CYTH2: variants seen among roughly 807,000 people sequenced by gnomAD.
CYTH2 encodes cytohesin-2.
In CYTH2, 24 loss-of-function variants were observed where a neutral mutation model predicts 55.4. The ratio of observed to expected loss-of-function variants is 0.43; its 90% confidence interval spans 0.31 to 0.61. The LOEUF is 0.61. Among genes scored for constraint, CYTH2 ranks in the 20% least tolerant of loss-of-function variants. The pLI, the probability that CYTH2 is intolerant of heterozygous loss-of-function variation, is 0.08. For missense variants in CYTH2, 378 were observed against 533.5 expected (o/e 0.71, Z 2.87); for synonymous variants, 221 against 209.6 (o/e 1.05, Z -0.47).
intron 4 of CYTH2, 89 bp from the exon 5 acceptor site, chr19:48,473,209 A>C (rs1971839454): frequency 7.1e-7 from 1 of 1,408,662 alleles, no homozygotes; most frequent in Non-Finnish European, 1.0e-6. Context: ...GGTGCAGTAG[A>C]GGGGGCACGA....
rs368708515 is a variant in CYTH2, at chr19:48,478,524, A to G, written c.1044A>G (p.Gly348=). 1.6e-5 allele frequency: 26 copies of G among 1,613,920 alleles called. No homozygotes were observed. The highest frequency in any genetic ancestry group is 2.2e-5 in the Non-Finnish European group (26 of 1,180,010). ...KTEADGRVVE[G]NHMVYRISAP... is the part of the protein sequence containing the mutation. ...AGGCGGACGGCCGAGTGGTGGAGGGAAACCACATGGTGTACCGGATCTCGG... is the reference window on the plus strand; with the variant it reads ...AGGCGGACGGCCGAGTGGTGGAGGGGAACCACATGGTGTACCGGATCTCGG... The change falls in exon 11 of 12, where the codon GGA becomes GGG. Residue 348 remains glycine (G), a synonymous_variant. Coordinates refer to ENST00000452733, the MANE Select transcript of CYTH2 (RefSeq NM_004228.7).
chr19:48,470,671 T>C lies in CYTH2; in HGVS notation c.234+2T>C, dbSNP rs1164941106. ...AAGTTCAACATGGACCCCAAGAAGG[T>C]GCTTGGGGCCACAGGACTGGGATCA... On this transcript the variant is annotated splice_donor_variant, in intron 3 of 11. Transcript: ENST00000452733. LOFTEE classifies it high-confidence loss of function. 1 of 1,614,058 alleles carries C rather than the reference T, an allele frequency of 6.2e-7. No individual in the cohort carries two copies. The highest frequency in any genetic ancestry group is 8.5e-7 in the Non-Finnish European group (1 of 1,179,986).
chr19:48,473,214 G>T, intron 4 of CYTH2, 84 bp from the exon 5 acceptor site: 1 of 1,461,652 alleles, frequency 6.8e-7, no homozygotes. Context: ...AGTAGAGGGG[G>T]CACGACTTCC....
rs1416137455 is a variant in CYTH2, at chr19:48,470,342, C to G, written c.20-11C>G. ...TAGCACTGACTTTTAAACCTTGACC[C>G]CGATCCCTAGAACCCCCAGACCTGA... On this transcript the variant is annotated splice_polypyrimidine_tract_variant and intron_variant, in intron 1 of 11. Transcript: ENST00000452733. 1.2e-6 allele frequency: 2 copies of G among 1,601,488 alleles called. No individual in the cohort carries two copies. Among genetic ancestry groups the G allele is most frequent in the South Asian group, 2.2e-5 (2 of 89,934 alleles).
At position 48,479,447 on chromosome 19, in the gene CYTH2, C is replaced by T. The variant is rs1972009226; in HGVS notation, c.*237C>T. 6.2e-6 allele frequency: 3 copies of T among 483,888 alleles called. No individual in the cohort carries two copies. 30.0% of individuals were successfully genotyped at this position (483,888 alleles called of 1,614,324 possible). A position where few individuals can be genotyped will look rare whatever the true frequency, so the allele number is the denominator to read the frequency against. ...AGTCGAGGTGCTCCGTGGAGCCAGC[C>T]TGTTTCCCTGGACAGGGGCCTGGAC... On this transcript the variant is annotated 3_prime_UTR_variant, in exon 12 of 12. Coordinates refer to ENST00000452733, the MANE Select transcript of CYTH2 (RefSeq NM_004228.7).
chr19:48,472,290 G>A (rs199625990), intron 3 of CYTH2, 35 bp from the exon 4 acceptor site: 5 of 1,602,456 alleles, frequency 3.1e-6, no homozygotes, highest in Non-Finnish European at 3.4e-6. Context: ...TGGCTTTCTG[G>A]CCCTCAGCAC....
Position 48,474,306 on chromosome 19 carries a change from G to C in CYTH2, c.672G>C (p.Gly224=). The C allele has an allele frequency of 6.2e-7, 1 of 1,610,718 alleles. No homozygotes were observed. The highest frequency in any genetic ancestry group is 8.5e-7 in the Non-Finnish European group (1 of 1,178,212). The change falls in exon 7 of 12, where the codon GGG becomes GGC. Residue 224 remains glycine (G), a synonymous_variant. Coordinates refer to ENST00000452733, the MANE Select transcript of CYTH2 (RefSeq NM_004228.7). The surrounding 1 kb of genome is among the most constrained non-coding windows in gnomAD (Gnocchi z 4.9). ...VAMNRGINEG[G]DLPEELLRNL... ...TGAACCGGGGCATCAACGAGGGCGG[G>C]GACCTGCCTGAGGAGCTGCTCAGGG...
chr19:48,469,515 A>G lies in CYTH2; in HGVS notation c.8A>G (p.Asp3Gly). The G allele has an allele frequency of 1.5e-6, 2 of 1,324,616 alleles. No homozygotes were observed. Among genetic ancestry groups the G allele is most frequent in the South Asian group, 2.1e-5 (1 of 48,316 alleles). 82.1% of individuals were successfully genotyped at this position (1,324,616 alleles called of 1,614,324 possible). ME[D>G]GVYEPPDLTP... ...CGGGCCTTCCTAGCCGCCATGGAGG[A>G]CGGCGTCTATGGTAGGTCGGGGAGG... Residue 3 changes from aspartate (D) to glycine (G), a missense_variant, in exon 1 of 12, where the codon GAC becomes GGC. Coordinates refer to ENST00000452733, the MANE Select transcript of CYTH2 (RefSeq NM_004228.7).
chr19:48,470,209 G>C (rs1971761717), intron 1 of CYTH2, 144 bp from the exon 2 acceptor site: 8 of 1,250,558 alleles, frequency 6.4e-6, no homozygotes, highest in Non-Finnish European at 8.9e-6. Context: ...CTGCAGGGAG[G>C]AATCCAGGCC....
intron 1 of CYTH2, 63 bp downstream of exon 1, chr19:48,469,589 C>G: frequency 7.6e-7 from 1 of 1,322,728 alleles, no homozygotes; most frequent in Non-Finnish European, 9.7e-7. Flanking sequence ...GAACGTTCCG[C>G]CGCGAACGTT....
At chr19:48,476,045 T>C in intron 8 of CYTH2, 1 of 518,840 alleles carries the variant, frequency 1.9e-6, no homozygotes, top group South Asian at 1.4e-5. Context: ...CAGGGCAGCT[T>C]TGGCCTCTGA....
chr19:48,474,769 C>A lies in CYTH2; in HGVS notation c.697-69C>A. ...AGTCATCCCATCCCTGGTCTCGCTGCCCCCCACCCTGAGTAACCCTGGGGG... is the reference window on the plus strand; with the variant it reads ...AGTCATCCCATCCCTGGTCTCGCTGACCCCCACCCTGAGTAACCCTGGGGG... On this transcript the variant is annotated intron_variant, in intron 7 of 11. Coordinates refer to ENST00000452733, the MANE Select transcript of CYTH2 (RefSeq NM_004228.7). The surrounding 1 kb of genome is among the most constrained non-coding windows in gnomAD (Gnocchi z 4.9). 1 of 1,379,280 alleles carries A rather than the reference C, an allele frequency of 7.3e-7. No homozygotes were observed. The highest frequency in any genetic ancestry group is 1.0e-6 in the Non-Finnish European group (1 of 972,270). 85.4% of individuals were successfully genotyped at this position (1,379,280 alleles called of 1,614,324 possible).
At chr19:48,476,859 A>G (rs1475349566) in intron 8 of CYTH2, 1 of 152,230 alleles carries the variant, frequency 6.6e-6, no homozygotes, top group Non-Finnish European at 1.5e-5. Context: ...CCTGGACGAC[A>G]GAGCGAGACA....
chr19:48,479,130 G>T lies in CYTH2; in HGVS notation c.1120G>T (p.Val374Leu), dbSNP rs145091024. The change falls in exon 12 of 12, where the codon GTG (valine) becomes TTG (leucine). Residue 374 changes from valine to leucine, a missense_variant. Val to Leu is a conservative substitution (Grantham distance 32). Transcript: ENST00000452733. Reference sequence around the variant, plus strand: ...ACCCCTCCCCTTCTGCAGGGCGGCTGTGAGTGTGGACCCCTTCTATGAGAT... The same window carrying T: ...ACCCCTCCCCTTCTGCAGGGCGGCTTTGAGTGTGGACCCCTTCTATGAGAT... ...DEWIKSIQAA[V>L]SVDPFYEMLA... is the part of the protein sequence containing the mutation. 1.2e-6 allele frequency: 2 copies of T among 1,613,956 alleles called. No individual in the cohort carries two copies. Among genetic ancestry groups the T allele is most frequent in the Non-Finnish European group, 1.7e-6 (2 of 1,179,968 alleles).
intron 8 of CYTH2, chr19:48,475,680 A>G (rs1971897899): frequency 1.7e-5 from 3 of 181,570 alleles, no homozygotes; most frequent in Non-Finnish European, 2.4e-5. Flanking sequence ...CTGGCTGTAC[A>G]TGAGATTTGC....
Position 48,474,061 on chromosome 19 carries a change from G to A in CYTH2, c.547+44G>A, listed in dbSNP as rs1339485456. 5 of 1,566,206 alleles carry A rather than the reference G, an allele frequency of 3.2e-6. No homozygotes were observed. The highest frequency in any genetic ancestry group is 1.4e-5 in the African/African-American group (1 of 73,134). ...GGGTCCTGGGAAAGAGGAGACTGGG[G>A]CCCAGACTCCTAGGTCTGAGGGAGG... On this transcript the variant is annotated intron_variant, in intron 6 of 11. Coordinates refer to ENST00000452733, the MANE Select transcript of CYTH2 (RefSeq NM_004228.7). This position sits in a 1 kb window ranked among gnomAD's most constrained non-coding sequence, Gnocchi z 4.9.
Position 48,479,626 on chromosome 19 carries a change from G to C in CYTH2, c.*416G>C, listed in dbSNP as rs1204258010. The C allele has an allele frequency of 5.2e-6, 1 of 193,282 alleles. No homozygotes were observed. Among genetic ancestry groups the C allele is most frequent in the Non-Finnish European group, 1.1e-5 (1 of 91,526 alleles). 12.0% of individuals were successfully genotyped at this position (193,282 alleles called of 1,614,324 possible). A position where few individuals can be genotyped will look rare whatever the true frequency, so the allele number is the denominator to read the frequency against. ...ACAGAGTTTAGAATGCAGGGATTCA[G>C]GGTCAAGGTCTAGCATTCATTCTAG... On this transcript the variant is annotated 3_prime_UTR_variant, in exon 12 of 12. Transcript: ENST00000452733.
At chr19:48,477,934 C>T (rs960489064) in intron 8 of CYTH2, 135 bp from the exon 9 acceptor site, 6 of 653,812 alleles carry the variant, frequency 9.2e-6, no homozygotes, top group East Asian at 2.7e-5. Context: ...TCTGTCTCCC[C>T]CAACGCAGCG....
intron 8 of CYTH2, chr19:48,476,596 C>G (rs1049423897): frequency 6.6e-6 from 1 of 152,330 alleles, no homozygotes; most frequent in Admixed American, 6.5e-5. Flanking sequence ...TGCTGTCAGG[C>G]CAGGCACGGT....
Sources: allele counts gnomAD v4.1 joint callset, GRCh38; gene constraint gnomAD v4.1.1; non-coding constraint Gnocchi (gnomAD v3.1); transcripts MANE v1.5; gene names NCBI Gene and HGNC (gene_info 2026-07-23, HGNC 2026-07-21).